Variants in CERT1 observed in about 807,000 individuals in gnomAD.
CERT1 encodes the protein ceramide transporter 1.
Under a neutral mutation model 87.9 loss-of-function variants are expected in CERT1, and 31 were observed. The observed-to-expected ratio is 0.35, with a 90% confidence interval of 0.27 to 0.48. CERT1 has a LOEUF of 0.48. CERT1 is among the 20% of genes least tolerant of loss of function. CERT1 has a pLI of 0.99. For missense variants in CERT1, 487 were observed against 758.0 expected (o/e 0.64, Z 4.20); for synonymous variants, 289 against 250.9 (o/e 1.15, Z -1.44).
At chr5:75,454,420 AT>A (rs1252316759) in intron 3 of CERT1, among the ~76,000 whole-genome samples, 2 of 152,214 alleles carry the variant, frequency 1.3e-5, no homozygotes, top group Non-Finnish European at 2.9e-5. Context: ...CTTGCTGTTT[AT>A]ATCTATTTTA....
At chr5:75,427,505 A>G (rs1482843620) in intron 3 of CERT1, among the ~76,000 whole-genome samples, 1 of 152,212 alleles carries the variant, frequency 6.6e-6, no homozygotes, top group Non-Finnish European at 1.5e-5. Flanking sequence ...AGGCTGAGGC[A>G]GGAGAATCGC....
intron 3 of CERT1, among the ~76,000 whole-genome samples, chr5:75,447,477 T>C (rs1314963678): frequency 2.3e-5 from 3 of 129,458 alleles, no homozygotes; most frequent in African/African-American, 7.2e-5. Context: ...TTTATTTATT[T>C]TTTATTTTTT....
chr5:75,384,833 C>G, intron 13 of CERT1, 121 bp from the exon 14 acceptor site: 1 of 629,632 alleles, frequency 1.6e-6, no homozygotes. Flanking sequence ...CCTGCCCTAT[C>G]TAGGTTACAT....
chr5:75,453,591 T>C (rs1443083457), intron 3 of CERT1, among the ~76,000 whole-genome samples: 2 of 152,182 alleles, frequency 1.3e-5, no homozygotes, highest in Non-Finnish European at 2.9e-5. Context: ...TTGATTGACC[T>C]TGGACAAATT....
intron 12 of CERT1, among the ~76,000 whole-genome samples, 159 bp downstream of exon 12, chr5:75,389,433 G>T (rs1761942948): frequency 3.3e-5 from 5 of 152,134 alleles, no homozygotes; most frequent in Admixed American, 3.3e-4. Context: ...AAAGCAAAAA[G>T]ACATTTTATT....
intron 6 of CERT1, 132 bp from the exon 7 acceptor site, chr5:75,417,165 C>A (rs1763165606): frequency 4.6e-6 from 3 of 653,742 alleles, no homozygotes; most frequent in African/African-American, 1.9e-5. Context: ...TCCTGTAGGC[C>A]AACATTTAAA....
chr5:75,497,686 T>C (rs4704224), intron 2 of CERT1, among the ~76,000 whole-genome samples: 43,016 of 151,850 alleles, frequency 0.28, 6,475 homozygotes, highest in South Asian at 0.4. Context: ...TTAAGTTTCC[T>C]GAACCTCCCC....
intron 7 of CERT1, among the ~76,000 whole-genome samples, chr5:75,412,517 T>C (rs1252568224): frequency 3.9e-5 from 6 of 152,362 alleles, no homozygotes; most frequent in Non-Finnish European, 7.3e-5. Context: ...ACCATGGGGA[T>C]ACAGTCTGAG....
chr5:75,425,186 G>T, intron 5 of CERT1, 175 bp downstream of exon 5: 1 of 564,802 alleles, frequency 1.8e-6, no homozygotes, highest in South Asian at 2.6e-5. Flanking sequence ...AAATGAATTA[G>T]TATGTGTAAC....
chr5:75,464,699 T>C (rs1026441644), intron 2 of CERT1, among the ~76,000 whole-genome samples: 2 of 152,112 alleles, frequency 1.3e-5, no homozygotes, highest in Non-Finnish European at 2.9e-5. Flanking sequence ...CCTCAGCCTC[T>C]GGAGTAGCTG....
chr5:75,489,183 T>C (rs1464961392), intron 2 of CERT1, among the ~76,000 whole-genome samples: 1 of 152,218 alleles, frequency 6.6e-6, no homozygotes, highest in Non-Finnish European at 1.5e-5. Flanking sequence ...TTGGGAAAAC[T>C]GGCTAGCCAT....
intron 3 of CERT1, among the ~76,000 whole-genome samples, chr5:75,454,396 C>T (rs1462610805): frequency 6.6e-6 from 1 of 152,086 alleles, no homozygotes; most frequent in Non-Finnish European, 1.5e-5. Flanking sequence ...TTGTTTTTTG[C>T]TAATGACTTA....
intron 12 of CERT1, 160 bp from the exon 13 acceptor site, chr5:75,386,194 C>T (rs547665923): frequency 6.3e-6 from 3 of 478,748 alleles, no homozygotes; most frequent in African/African-American, 2.0e-5. Context: ...AATTAACAGA[C>T]AAAAAAGTAC....
intron 7 of CERT1, among the ~76,000 whole-genome samples, chr5:75,416,379 T>C (rs1030621582): frequency 2.0e-5 from 3 of 152,150 alleles, no homozygotes; most frequent in African/African-American, 7.2e-5. Context: ...TATAATATTA[T>C]CAGTGCTGCA....
chr5:75,470,710 T>G (rs1765670431), intron 2 of CERT1, among the ~76,000 whole-genome samples: 1 of 152,140 alleles, frequency 6.6e-6, no homozygotes, highest in Non-Finnish European at 1.5e-5. Flanking sequence ...AAGACAAGAA[T>G]ACCGACTCTT....
intron 3 of CERT1, among the ~76,000 whole-genome samples, chr5:75,430,747 A>G (rs1763826946): frequency 6.6e-6 from 1 of 152,172 alleles, no homozygotes; most frequent in South Asian, 2.1e-4. Flanking sequence ...AAAAAAAAAA[A>G]GAGTTCTTGA....
intron 4 of CERT1, among the ~76,000 whole-genome samples, chr5:75,425,949 T>C (rs772913651): frequency 6.6e-6 from 1 of 152,224 alleles, no homozygotes; most frequent in Admixed American, 6.5e-5. Flanking sequence ...TAGACACTTT[T>C]GCCTTTCACT....
chr5:75,399,401 A>G lies in CERT1; in HGVS notation c.1111-14T>C. 2 of 1,603,972 alleles carry G rather than the reference A, an allele frequency of 1.2e-6. No individual in the cohort carries two copies. The highest frequency in any genetic ancestry group is 1.3e-5 in the African/African-American group (1 of 74,828). ...GCGACTATAGGGCTACCAGAGACAG[A>G]CAAAGAAAAAACCAAGTAATCAGAA... On this transcript the variant is annotated splice_polypyrimidine_tract_variant and intron_variant, in intron 10 of 16. Coordinates refer to ENST00000643780, the MANE Select transcript of CERT1 (RefSeq NM_001379029.1).
At chr5:75,456,682 A>G (rs995411781) in intron 3 of CERT1, among the ~76,000 whole-genome samples, 1 of 151,328 alleles carries the variant, frequency 6.6e-6, no homozygotes, top group East Asian at 1.9e-4. Flanking sequence ...AAAAAAAAAA[A>G]AAAAGAAAGG....
Sources: allele counts gnomAD v4.1 joint callset (sites outside exome capture counted in the v4.1 genomes callset), GRCh38; gene constraint gnomAD v4.1.1; transcripts MANE v1.5; gene names NCBI Gene and HGNC (gene_info 2026-07-23, HGNC 2026-07-21).